Variants in USP6NL observed in about 807,000 individuals in gnomAD.
USP6NL encodes USP6 N-terminal like.
A neutral mutation model predicts 61.9 loss-of-function variants in USP6NL; 26 were observed. The observed-to-expected ratio is 0.42, with a 90% confidence interval of 0.31 to 0.58. USP6NL has a LOEUF of 0.58. Ranked by LOEUF, USP6NL falls within the 20% of genes least tolerant of loss-of-function variation. USP6NL has a pLI of 0.16. For missense variants in USP6NL, 1,114 were observed against 1,034.3 expected, an observed-to-expected ratio of 1.08 and a Z score of -1.06; for synonymous variants, 432 against 390.1, an observed-to-expected ratio of 1.11 and a Z score of -1.27.
intron 2 of USP6NL, among the ~76,000 whole-genome samples, chr10:11,551,939 G>T (rs946991970): frequency 9.2e-5 from 14 of 152,154 alleles, no homozygotes; most frequent in African/African-American, 3.4e-4. Flanking sequence ...GCTTTAGTTG[G>T]TTAGGTTACA....
intron 2 of USP6NL, among the ~76,000 whole-genome samples, chr10:11,531,072 T>C (rs908567072): frequency 1.6e-4 from 24 of 152,206 alleles, no homozygotes; most frequent in African/African-American, 5.6e-4. Context: ...GTCACATCAT[T>C]ATCAAATAAA....
intron 2 of USP6NL, among the ~76,000 whole-genome samples, chr10:11,569,420 A>G (rs1002544217): frequency 1.3e-5 from 2 of 152,254 alleles, no homozygotes; most frequent in Non-Finnish European, 2.9e-5. Flanking sequence ...ATGTATTGCA[A>G]TTAACATTTA....
rs1379247520 is a variant in USP6NL, at chr10:11,596,548, C to T, written c.4+1083G>A. ...CTGAGGCAGGAGAATGGCGCGAACC[C>T]AGGAGGTGGAGCTTGCAGTGAGCGG... is the stretch of plus-strand genomic sequence containing the variant. On this transcript the variant is annotated intron_variant, in intron 2 of 14. Coordinates refer to ENST00000609104, the MANE Select transcript of USP6NL (RefSeq NM_014688.5). The surrounding 1 kb of genome is among the most constrained non-coding windows in gnomAD (Gnocchi z 4.1). Among the ~76,000 whole-genome samples the T allele has an allele frequency of 6.6e-6, 1 of 151,164 alleles. No homozygotes were observed. The highest frequency in any genetic ancestry group is 1.5e-5 in the Non-Finnish European group (1 of 67,920).
intron 2 of USP6NL, among the ~76,000 whole-genome samples, chr10:11,583,811 T>C (rs1283668689): frequency 1.3e-5 from 2 of 152,106 alleles, no homozygotes; most frequent in Non-Finnish European, 2.9e-5. Context: ...ACAGATCACC[T>C]GAGGTCAGGA....
In USP6NL at chr10:11,510,071, C is replaced by T. The variant is rs1260277841; in HGVS notation, c.196-396G>A. 6.6e-6 allele frequency among the ~76,000 whole-genome samples: 1 copy of T among 151,822 alleles called. No homozygotes were observed. Among genetic ancestry groups the T allele is most frequent in the East Asian group, 1.9e-4 (1 of 5,182 alleles). On this transcript the variant is annotated intron_variant, in intron 5 of 14. Coordinates refer to ENST00000609104, the MANE Select transcript of USP6NL (RefSeq NM_014688.5). This position sits in a 1 kb window ranked among gnomAD's most constrained non-coding sequence, Gnocchi z 4.8. ...AATTCTAGTATATTGTTGTTTTTAG[C>T]GAGAGTTTTTTAAAGGAAAAGTGGC...
chr10:11,531,073 A>C (rs943966985), intron 2 of USP6NL, among the ~76,000 whole-genome samples: 2 of 152,242 alleles, frequency 1.3e-5, no homozygotes, highest in Non-Finnish European at 2.9e-5. Context: ...TCACATCATT[A>C]TCAAATAAAA....
chr10:11,505,044 A>C (rs2133324027), intron 6 of USP6NL, among the ~76,000 whole-genome samples: 1 of 152,346 alleles, frequency 6.6e-6, no homozygotes, highest in Non-Finnish European at 1.5e-5. Flanking sequence ...AGCGCCATGC[A>C]TCTGCTGTGA....
rs543624265 is a variant in USP6NL at position 11,602,193 on chromosome 10, C to G, written c.-83-4476G>C. The stretch of plus-strand genomic sequence containing the variant: ...TCAATGACAATGAATGAATAAACAA[C>G]GAGCAACGTATTTAACGCAACTTTC... On this transcript the variant is annotated intron_variant, in intron 1 of 14. Transcript: ENST00000609104. The surrounding 1 kb of genome is among the most constrained non-coding windows in gnomAD (Gnocchi z 4.8). Among the ~76,000 whole-genome samples the G allele has an allele frequency of 6.6e-6, 1 of 151,968 alleles. No homozygotes were observed. The highest frequency in any genetic ancestry group is 2.4e-5 in the African/African-American group (1 of 41,386).
At chr10:11,544,678 G>A (rs1028471327) in intron 2 of USP6NL, among the ~76,000 whole-genome samples, 4 of 151,884 alleles carry the variant, frequency 2.6e-5, no homozygotes, top group East Asian at 1.9e-4. Flanking sequence ...CAGTAGAGAC[G>A]GGGTTTTGCC....
rs1838105386 is a variant in USP6NL, at chr10:11,589,890, A to G, written c.4+7741T>C. Reference sequence around the variant, plus strand: ...CAAACCGGTGCCGCTCCAGGGTACCAAGGCAATGCCAGGGGAAGTCAGTTT... The same window carrying G: ...CAAACCGGTGCCGCTCCAGGGTACCGAGGCAATGCCAGGGGAAGTCAGTTT... On this transcript the variant is annotated intron_variant, in intron 2 of 14. Coordinates refer to ENST00000609104, the MANE Select transcript of USP6NL (RefSeq NM_014688.5). This position sits in a 1 kb window ranked among gnomAD's most constrained non-coding sequence, Gnocchi z 4.7. 6.6e-6 allele frequency among the ~76,000 whole-genome samples: 1 copy of G among 152,212 alleles called. No individual in the cohort carries two copies. The highest frequency in any genetic ancestry group is 6.5e-5 in the Admixed American group (1 of 15,282).
chr10:11,564,153 T>G (rs1446824994), intron 2 of USP6NL: 1 of 152,208 alleles, frequency 6.6e-6, no homozygotes, highest in Non-Finnish European at 1.5e-5. Flanking sequence ...TATTAATCAC[T>G]GCATCTGGTG....
intron 7 of USP6NL, among the ~76,000 whole-genome samples, chr10:11,494,269 C>T (rs1286975296): frequency 6.6e-6 from 1 of 152,120 alleles, no homozygotes; most frequent in Non-Finnish European, 1.5e-5. Context: ...GTTTCTCTCT[C>T]CATGTATTGA....
chr10:11,548,249 T>C lies in USP6NL; in HGVS notation c.5-20682A>G, dbSNP rs145277909. On this transcript the variant is annotated intron_variant, in intron 2 of 14. Coordinates refer to ENST00000609104, the MANE Select transcript of USP6NL (RefSeq NM_014688.5). This position sits in a 1 kb window ranked among gnomAD's most constrained non-coding sequence, Gnocchi z 4.3. ...ACATTTACTAAAGTCCCCTTTGAAATTTGATGCCCCAAATTCAACATGATA... is the reference window on the plus strand; with the variant it reads ...ACATTTACTAAAGTCCCCTTTGAAACTTGATGCCCCAAATTCAACATGATA... 2.7e-3 allele frequency among the ~76,000 whole-genome samples: 407 copies of C among 152,322 alleles called. 3 individuals carry two copies. Among genetic ancestry groups the C allele is most frequent in the African/African-American group, 9.3e-3 (386 of 41,570 alleles).
chr10:11,571,959 TATA>T (rs1315506311), intron 2 of USP6NL, among the ~76,000 whole-genome samples: 1 of 150,882 alleles, frequency 6.6e-6, no homozygotes, highest in Admixed American at 6.6e-5. Context: ...ACTACTTTAA[TATA>T]ATAAGATATA....
intron 14 of USP6NL, among the ~76,000 whole-genome samples, chr10:11,472,015 C>G (rs1832773391): frequency 6.7e-6 from 1 of 149,882 alleles, no homozygotes; most frequent in African/African-American, 2.5e-5. Flanking sequence ...GGTAAGGAGG[C>G]ACCACAACTC....
chr10:11,611,158 G>C lies in USP6NL; in HGVS notation c.-84+285C>G, dbSNP rs1448586839. On this transcript the variant is annotated intron_variant, in intron 1 of 14. Coordinates refer to ENST00000609104, the MANE Select transcript of USP6NL (RefSeq NM_014688.5). The surrounding 1 kb of genome is among the most constrained non-coding windows in gnomAD (Gnocchi z 5.3). ...GGCTCACTCGGGGAGGCAGTCGCCG[G>C]GTTCCACCCCCGGGCCTCCCCGCAC... 6.6e-6 allele frequency: 1 copy of C among 152,030 alleles called. No homozygotes were observed. Among genetic ancestry groups the C allele is most frequent in the East Asian group, 1.9e-4 (1 of 5,162 alleles). The allele number at this position is 152,030 out of a possible 1,614,324, so 9.4% of individuals were successfully genotyped here.
intron 2 of USP6NL, among the ~76,000 whole-genome samples, chr10:11,544,847 G>A (rs1836216339): frequency 6.6e-6 from 1 of 152,094 alleles, no homozygotes; most frequent in South Asian, 2.1e-4. Flanking sequence ...AGCAATAAAA[G>A]ACCAAAAACA....
At chr10:11,542,596 G>A (rs777985017) in intron 2 of USP6NL, among the ~76,000 whole-genome samples, 25 of 152,170 alleles carry the variant, frequency 1.6e-4, no homozygotes, top group Non-Finnish European at 3.2e-4. Context: ...ATGGGTGCCT[G>A]TAGTGCCAGC....
chr10:11,513,208 G>A lies in USP6NL; in HGVS notation c.196-3533C>T, dbSNP rs1261288141. On this transcript the variant is annotated intron_variant, in intron 5 of 14. Coordinates refer to ENST00000609104, the MANE Select transcript of USP6NL (RefSeq NM_014688.5). The surrounding 1 kb of genome is among the most constrained non-coding windows in gnomAD (Gnocchi z 4.7). ...TAACATTCTGTGGTCTCAAGGTGGA[G>A]GGGTGGGAAGTAGAATGAATATGAA... Among the ~76,000 whole-genome samples, 1 of 152,212 alleles carries A rather than the reference G, an allele frequency of 6.6e-6. No individual in the cohort carries two copies. Among genetic ancestry groups the A allele is most frequent in the Non-Finnish European group, 1.5e-5 (1 of 68,030 alleles).
Sources: allele counts gnomAD v4.1 joint callset (sites outside exome capture counted in the v4.1 genomes callset), GRCh38; gene constraint gnomAD v4.1.1; non-coding constraint Gnocchi (gnomAD v3.1); transcripts MANE v1.5; gene names NCBI Gene and HGNC (gene_info 2026-07-23, HGNC 2026-07-21).